Variants in MTUS2 observed in about 807,000 individuals in gnomAD.
MTUS2 encodes the protein microtubule associated scaffold protein 2, also known as microtubule-associated tumor suppressor candidate 2.
MTUS2 carries 40 observed loss-of-function variants against 114.1 expected under a neutral mutation model. The observed-to-expected ratio is 0.35, with a 90% CI of 0.27 to 0.46. MTUS2 has a LOEUF of 0.46. MTUS2 is among the 20% of genes least tolerant of loss of function. The pLI is 1.00. For missense variants in MTUS2, 1,679 were observed against 1,705.4 expected (o/e 0.98, Z 0.27); for synonymous variants, 688 against 672.0 (o/e 1.02, Z -0.37).
intron 5 of MTUS2, among the ~76,000 whole-genome samples, chr13:29,271,143 C>T (rs1250173687): frequency 1.3e-5 from 2 of 152,136 alleles, no homozygotes; most frequent in Admixed American, 6.5e-5. Context: ...CTTTGAAATG[C>T]ATTCTGGCTT....
At chr13:29,239,642 G>T (rs1467786280) in intron 5 of MTUS2, 1 of 152,244 alleles carries the variant, frequency 6.6e-6, no homozygotes, top group African/African-American at 2.4e-5. Context: ...GGACAGAACT[G>T]TGATGTAATG....
chr13:29,491,278 ATG>A (rs1453900897), intron 11 of MTUS2, among the ~76,000 whole-genome samples: 2 of 148,020 alleles, frequency 1.4e-5, no homozygotes, highest in Non-Finnish European at 3.0e-5. Flanking sequence ...CCTTGTGTAA[ATG>A]TGTATGGATT....
At position 28,911,770 on chromosome 13, in the gene MTUS2, T is replaced by C. The variant is rs1880446804; in HGVS notation, c.-243+71920T>C. Among the ~76,000 whole-genome samples, 3 of 152,164 alleles carry C rather than the reference T, an allele frequency of 2.0e-5. No individual in the cohort carries two copies. The South Asian group carries it at 6.2e-4, about 31-fold the overall frequency. Reference sequence around the variant, plus strand: ...TGATGATCGGTGATGTTGAGCTTTTTTTCATATGTTTATTGGCCATATGAA... The same window carrying C: ...TGATGATCGGTGATGTTGAGCTTTTCTTCATATGTTTATTGGCCATATGAA... On this transcript the variant is annotated intron_variant, in intron 2 of 15. Coordinates refer to ENST00000612955, the MANE Select transcript of MTUS2 (RefSeq NM_001033602.4).
chr13:28,989,092 C>T (rs1200340649), intron 2 of MTUS2, among the ~76,000 whole-genome samples: 1 of 152,120 alleles, frequency 6.6e-6, no homozygotes, highest in Non-Finnish European at 1.5e-5. Context: ...TGGCTTAGAC[C>T]TGTCTGCTGA....
chr13:28,908,291 C>T (rs998420418), intron 2 of MTUS2, among the ~76,000 whole-genome samples: 1 of 151,420 alleles, frequency 6.6e-6, no homozygotes, highest in Non-Finnish European at 1.5e-5. Flanking sequence ...TCCCTTCCAC[C>T]TCCCCCAACC....
chr13:28,950,665 C>G (rs1418230774), intron 2 of MTUS2, among the ~76,000 whole-genome samples: 1 of 152,188 alleles, frequency 6.6e-6, no homozygotes, highest in African/African-American at 2.4e-5. Context: ...GCAGTCAGAA[C>G]AAACATATTT....
At chr13:28,850,622 A>G (rs907692623) in intron 2 of MTUS2, among the ~76,000 whole-genome samples, 2 of 152,230 alleles carry the variant, frequency 1.3e-5, no homozygotes, top group African/African-American at 4.8e-5. Flanking sequence ...TAAACAGTAG[A>G]GGGAGAAGGG....
In MTUS2 at chr13:29,457,588, T is replaced by G. The variant is rs996416824; in HGVS notation, c.3184+17539T>G. On this transcript the variant is annotated intron_variant, in intron 9 of 15. Coordinates refer to ENST00000612955, the MANE Select transcript of MTUS2 (RefSeq NM_001033602.4). ...GTTTCCACTGTCTTGCTATTATAAATAAGGCTGTTATGAATATCCTTATTA... is the reference window on the plus strand; with the variant it reads ...GTTTCCACTGTCTTGCTATTATAAAGAAGGCTGTTATGAATATCCTTATTA... Among the ~76,000 whole-genome samples, 5 of 152,304 alleles carry G rather than the reference T, an allele frequency of 3.3e-5. No homozygotes were observed. In the South Asian group the frequency reaches 8.3e-4, roughly 25 times the overall value.
chr13:29,488,714 C>A (rs1365847329), intron 11 of MTUS2, among the ~76,000 whole-genome samples: 2 of 152,212 alleles, frequency 1.3e-5, no homozygotes, highest in African/African-American at 4.8e-5. Flanking sequence ...ACTGCAGCAT[C>A]TGGTTGGATC....
intron 8 of MTUS2, among the ~76,000 whole-genome samples, chr13:29,372,200 G>T (rs3121741): frequency 0.97 from 146,716 of 151,398 alleles, 71,265 homozygotes; most frequent in East Asian, 1. Flanking sequence ...GTGTGCACCT[G>T]CCACTTTTCT....
At chr13:28,953,661 T>G (rs1034816634) in intron 2 of MTUS2, among the ~76,000 whole-genome samples, 1 of 152,254 alleles carries the variant, frequency 6.6e-6, no homozygotes, top group African/African-American at 2.4e-5. Flanking sequence ...TTTAGTATTA[T>G]GTTTATATGT....
intron 7 of MTUS2, among the ~76,000 whole-genome samples, chr13:29,341,305 C>A (rs1167826451): frequency 1.3e-5 from 2 of 152,122 alleles, no homozygotes; most frequent in African/African-American, 4.8e-5. Context: ...ACATCCCCAC[C>A]AACATCTATT....
Position 29,492,633 on chromosome 13 carries a change from G to GT in MTUS2, c.3506-12dup. The GT allele has an allele frequency of 6.2e-7, 1 of 1,607,698 alleles. No individual in the cohort carries two copies. Among genetic ancestry groups the GT allele is most frequent in the Non-Finnish European group, 8.5e-7 (1 of 1,175,172 alleles). ...AGAAAGACCAACTTGACAATTTAAT[G>GT]TCTTCTTTCCAGAATTGATGTCCAC... On this transcript the variant is annotated splice_polypyrimidine_tract_variant and intron_variant, in intron 11 of 15. Transcript: ENST00000612955.
chr13:29,189,592 A>G (rs1011732605), intron 5 of MTUS2, among the ~76,000 whole-genome samples: 1 of 151,948 alleles, frequency 6.6e-6, no homozygotes, highest in Admixed American at 6.6e-5. Flanking sequence ...CTAATTATGC[A>G]ACTTGCCAAT....
intron 5 of MTUS2, among the ~76,000 whole-genome samples, chr13:29,259,447 A>G (rs912934520): frequency 6.6e-6 from 1 of 152,254 alleles, no homozygotes; most frequent in African/African-American, 2.4e-5. Context: ...TTCCCTGCTT[A>G]AGACTTCGTG....
rs185380173 is a variant in MTUS2 at position 29,384,388 on chromosome 13, T to A, written c.3117+24915T>A. Among the ~76,000 whole-genome samples, 18 of 152,332 alleles carry A rather than the reference T, an allele frequency of 1.2e-4. No homozygotes were observed. In the East Asian group the frequency reaches 3.5e-3, roughly 29 times the overall value. ...GTAATCCAAGATCTGACCTGTTACATTCTGTTCAGAAGAAAATAGCCTCAG... is the reference window on the plus strand; with the variant it reads ...GTAATCCAAGATCTGACCTGTTACAATCTGTTCAGAAGAAAATAGCCTCAG... On this transcript the variant is annotated intron_variant, in intron 8 of 15. Transcript: ENST00000612955.
At chr13:29,405,886 G>A (rs976525635) in intron 8 of MTUS2, among the ~76,000 whole-genome samples, 4 of 151,698 alleles carry the variant, frequency 2.6e-5, no homozygotes, top group Non-Finnish European at 5.9e-5. Context: ...GGTTACAGGC[G>A]CCTGCCACCA....
At chr13:29,047,512 C>CT (rs11367692) in intron 4 of MTUS2, among the ~76,000 whole-genome samples, 1,880 of 135,756 alleles carry the variant, frequency 0.014, 22 homozygotes, top group African/African-American at 0.031. Context: ...AAAATTTACT[C>CT]TTTTTTTTTT....
At chr13:29,244,950 C>T (rs1304706666) in intron 5 of MTUS2, among the ~76,000 whole-genome samples, 6 of 36,090 alleles carry the variant, frequency 1.7e-4, no homozygotes, top group Non-Finnish European at 3.1e-4. Context: ...AGCGAGACTC[C>T]GTCTCAAAAA....
Sources: allele counts gnomAD v4.1 joint callset (sites outside exome capture counted in the v4.1 genomes callset), GRCh38; gene constraint gnomAD v4.1.1; transcripts MANE v1.5; gene names NCBI Gene and HGNC (gene_info 2026-07-23, HGNC 2026-07-21).